NR2C2: variants seen among roughly 807,000 people sequenced by gnomAD.
The protein encoded by NR2C2 is Nuclear hormone receptor TR4.
In NR2C2, 6 loss-of-function variants were observed where a neutral mutation model predicts 62.9. The ratio of observed to expected loss-of-function variants is 0.10; its 90% CI spans 0.05 to 0.19. The LOEUF (loss-of-function observed/expected upper bound fraction) is 0.19. NR2C2 is among the 10% of genes least tolerant of loss of function. NR2C2 has a pLI of 1.00. For missense variants in NR2C2, 479 were observed against 762.7 expected, an observed-to-expected ratio of 0.63 and a Z score of 4.38; for synonymous variants, 272 against 273.8, an observed-to-expected ratio of 0.99 and a Z score of 0.07.
At chr3:15,015,679 G>A (rs908858498) in intron 3 of NR2C2, among the ~76,000 whole-genome samples, 2 of 152,226 alleles carry the variant, frequency 1.3e-5, no homozygotes, top group Non-Finnish European at 2.9e-5. Context: ...ATGAGTGGCA[G>A]AGCCATTCTG....
At chr3:15,026,481 T>C (rs905868992) in intron 7 of NR2C2, 1 of 152,216 alleles carries the variant, frequency 6.6e-6, no homozygotes, top group African/African-American at 2.4e-5. Context: ...AACCCTATTA[T>C]GTAGTCACTC....
chr3:15,024,829 C>CT (rs939425854), intron 7 of NR2C2, among the ~76,000 whole-genome samples: 2 of 152,230 alleles, frequency 1.3e-5, no homozygotes, highest in African/African-American at 2.4e-5. Flanking sequence ...AGCCACAACT[C>CT]TAAGAGGGTG....
chr3:15,038,086 A>G lies in NR2C2; in HGVS notation c.1459A>G (p.Ile487Val), dbSNP rs752754031. ...CTGTAACAGCATGGCGAAGCTGGAT[A>G]TAGATGGCTATGAGTATGCATACCT... is the stretch of plus-strand genomic sequence containing the variant. ...EFCNSMAKLDIDGYEYAYLKA... is the reference protein window; with the variant it reads ...EFCNSMAKLDVDGYEYAYLKA... Residue 487 changes from isoleucine to valine, a missense_variant, in exon 12 of 14, where the codon ATA becomes GTA. Around this residue, in one of 4 missense-constraint regions of NR2C2, gnomAD observed 162 missense variants for 296.8 expected, o/e 0.55. Coordinates refer to ENST00000425241, the MANE Select transcript of NR2C2 (RefSeq NM_001291694.2). 1.9e-6 allele frequency: 3 copies of G among 1,614,058 alleles called. No individual in the cohort carries two copies. Among genetic ancestry groups the G allele is most frequent in the Admixed American group, 3.3e-5 (2 of 60,004 alleles).
chr3:15,041,589 C>G (rs1226420172), intron 13 of NR2C2, among the ~76,000 whole-genome samples: 1 of 152,190 alleles, frequency 6.6e-6, no homozygotes, highest in Non-Finnish European at 1.5e-5. Context: ...CGTGGTGACT[C>G]ACACCTGTAA....
intron 3 of NR2C2, among the ~76,000 whole-genome samples, chr3:15,014,874 A>T (rs570477078): frequency 6.6e-6 from 1 of 152,338 alleles, no homozygotes; most frequent in East Asian, 1.9e-4. Context: ...GTGGACATGT[A>T]GGTTGCTTCC....
At chr3:14,981,623 A>AAAAAAG (rs1553639444) in intron 1 of NR2C2, among the ~76,000 whole-genome samples, 3 of 140,408 alleles carry the variant, frequency 2.1e-5, no homozygotes, top group Admixed American at 7.2e-5. Context: ...AAAAAAAAAA[A>AAAAAAG]GAGTATTGAT....
chr3:15,039,249 G>A (rs763835388), intron 13 of NR2C2, 22 bp downstream of exon 13: 3 of 1,503,066 alleles, frequency 2.0e-6, no homozygotes, highest in East Asian at 2.3e-5. Flanking sequence ...AGGCATATGC[G>A]CTCTTGCTTG....
intron 1 of NR2C2, among the ~76,000 whole-genome samples, chr3:14,952,711 G>A (rs2039402819): frequency 6.6e-6 from 1 of 152,204 alleles, no homozygotes; most frequent in Non-Finnish European, 1.5e-5. Context: ...ATTCGTTGGA[G>A]GTTTGCTTGC....
In NR2C2 at chr3:15,048,340, A is replaced by T. The variant is rs546887938; in HGVS notation, c.*5332A>T. Reference sequence around the variant, plus strand: ...TAGTTAAAATGCAATTGGAAACTTGACAGTCTCTAAATGAATTAAAAGTTT... The same window carrying T: ...TAGTTAAAATGCAATTGGAAACTTGTCAGTCTCTAAATGAATTAAAAGTTT... On this transcript the variant is annotated 3_prime_UTR_variant, in exon 14 of 14. Transcript: ENST00000425241. 3.3e-5 allele frequency: 5 copies of T among 152,684 alleles called. No individual in the cohort carries two copies. The highest frequency in any genetic ancestry group is 4.8e-5 in the African/African-American group (2 of 41,466). The allele number at this position is 152,684 out of a possible 1,614,324, so 9.5% of individuals were successfully genotyped here. A position where few individuals can be genotyped will look rare whatever the true frequency, so the allele number is the denominator to read the frequency against.
intron 11 of NR2C2, among the ~76,000 whole-genome samples, chr3:15,036,527 G>C (rs934765347): frequency 1.1e-4 from 17 of 152,214 alleles, no homozygotes; most frequent in African/African-American, 4.1e-4. Flanking sequence ...CAGTCTCTCT[G>C]TGTTGCCAGG....
intron 1 of NR2C2, among the ~76,000 whole-genome samples, chr3:14,952,431 C>T (rs2039394198): frequency 6.6e-6 from 1 of 152,126 alleles, no homozygotes; most frequent in Non-Finnish European, 1.5e-5. Context: ...AGTCCCAAAC[C>T]ATCTCCTGTA....
chr3:14,993,251 C>T (rs778109342), intron 1 of NR2C2, among the ~76,000 whole-genome samples: 10 of 151,968 alleles, frequency 6.6e-5, no homozygotes, highest in Admixed American at 2.0e-4. Context: ...GTCAGGAGTT[C>T]GACACCAGCC....
In NR2C2 at chr3:15,003,932, A is replaced by G; in HGVS notation, c.18A>G (p.Pro6=). 1.2e-6 allele frequency: 2 copies of G among 1,613,734 alleles called. No homozygotes were observed. The highest frequency in any genetic ancestry group is 1.7e-6 in the Non-Finnish European group (2 of 1,179,868). ...CTCCAGGGATGACCAGCCCCTCCCCACGCATCCAGATAATCTCCACCGACT... is the reference window on the plus strand; with the variant it reads ...CTCCAGGGATGACCAGCCCCTCCCCGCGCATCCAGATAATCTCCACCGACT... The part of the protein sequence containing the change: MTSPS[P]RIQIISTDSA... The change falls in exon 2 of 14, where the codon CCA becomes CCG. Residue 6 remains proline, a synonymous_variant. Transcript: ENST00000425241.
intron 1 of NR2C2, among the ~76,000 whole-genome samples, chr3:14,970,219 C>T (rs769616029): frequency 8.3e-6 from 1 of 121,020 alleles, no homozygotes; most frequent in Non-Finnish European, 1.6e-5. Flanking sequence ...CCCACTATTT[C>T]TAATTCTTGA....
In NR2C2 at chr3:15,023,201, T is replaced by G; in HGVS notation, c.558T>G (p.Ser186=). The change falls in exon 6 of 14, where the codon TCT becomes TCG. Residue 186 remains serine (S), a splice_region_variant and synonymous_variant. Coordinates refer to ENST00000425241, the MANE Select transcript of NR2C2 (RefSeq NM_001291694.2). ...CAAATATTTATGTTGTGATTTAAGC[T>G]GTGCAGAGTGAACGGAAGCCCTTCG... ...KCLEMGMKME[S]VQSERKPFDV... 6.2e-7 allele frequency: 1 copy of G among 1,614,012 alleles called. No homozygotes were observed. The highest frequency in any genetic ancestry group is 8.5e-7 in the Non-Finnish European group (1 of 1,179,942).
chr3:14,965,343 A>G (rs1027184252), intron 1 of NR2C2, among the ~76,000 whole-genome samples: 1 of 151,890 alleles, frequency 6.6e-6, no homozygotes, highest in Non-Finnish European at 1.5e-5. Context: ...TTTTCTTTCT[A>G]TATCACAAGT....
At chr3:14,956,761 G>A (rs558824288) in intron 1 of NR2C2, among the ~76,000 whole-genome samples, 6 of 152,246 alleles carry the variant, frequency 3.9e-5, no homozygotes, top group Non-Finnish European at 7.4e-5. Flanking sequence ...GGCTGGTCTC[G>A]AACTCCTGAC....
At chr3:14,971,356 G>A (rs1031388540) in intron 1 of NR2C2, among the ~76,000 whole-genome samples, 1 of 151,628 alleles carries the variant, frequency 6.6e-6, no homozygotes, top group African/African-American at 2.4e-5. Flanking sequence ...GACCCCAGGT[G>A]ATCCACCTGC....
At chr3:14,948,790 CTT>C (rs1341577799) in intron 1 of NR2C2, 3 of 152,270 alleles carry the variant, frequency 2.0e-5, no homozygotes, top group Non-Finnish European at 4.4e-5. Flanking sequence ...AACCAGGACA[CTT>C]TTCAGGGCTC....
Sources: gnomAD v4.1 joint callset for allele counts (sites outside exome capture counted in the v4.1 genomes callset) on GRCh38, gnomAD v4.1.1 for gene constraint, gnomAD v4.1.1 regional missense constraint, MANE v1.5 for transcripts, NCBI Gene and HGNC (gene_info 2026-07-23, HGNC 2026-07-21) for gene names.